The following UTRN variants were observed in gnomAD, a reference collection of about 807,000 sequenced individuals.
The protein encoded by UTRN is utrophin, also known as dystrophin-related protein 1.
UTRN carries 283 observed loss-of-function variants against 463.9 expected under a neutral mutation model. That is an observed-to-expected ratio of 0.61 (90% CI 0.55 to 0.67). UTRN has a LOEUF of 0.67. UTRN is among the 30% of genes least tolerant of loss of function. The pLI is 0.00. For missense variants in UTRN, 3,922 were observed against 4,084.3 expected (o/e 0.96, Z 1.08); for synonymous variants, 1,442 against 1,431.5 (o/e 1.01, Z -0.17).
intron 2 of UTRN, among the ~76,000 whole-genome samples, chr6:144,351,057 C>A (rs532991394): frequency 2.0e-5 from 3 of 151,994 alleles, no homozygotes; most frequent in South Asian, 2.1e-4. Context: ...TGAAAAAAAC[C>A]ATTTTTTATA....
chr6:144,445,192 A>T (rs1310911787), intron 14 of UTRN, among the ~76,000 whole-genome samples: 2 of 152,016 alleles, frequency 1.3e-5, no homozygotes, highest in African/African-American at 4.8e-5. Flanking sequence ...CTCCACTAAA[A>T]ATATAAAAAT....
chr6:144,741,923 G>A lies in UTRN; in HGVS notation c.7940-6323G>A, dbSNP rs73593819. ...TGCCTCTATTGACTTCAGGTCAGTG[G>A]TGCCATGTAGCTCCCTCCAAAGCGT... On this transcript the variant is annotated intron_variant, in intron 54 of 74. Transcript: ENST00000367545. 7.6e-3 allele frequency among the ~76,000 whole-genome samples: 1,157 copies of A among 152,186 alleles called. 9 individuals are homozygous for A. Among genetic ancestry groups the A allele is most frequent in the African/African-American group, 0.025 (1,025 of 41,520 alleles).
At chr6:144,418,048 C>G (rs1297634392) in intron 3 of UTRN, among the ~76,000 whole-genome samples, 1 of 152,040 alleles carries the variant, frequency 6.6e-6, no homozygotes, top group Non-Finnish European at 1.5e-5. Flanking sequence ...ATAGTCACAT[C>G]AACCATTTAA....
At chr6:144,512,690 G>A (rs1371658371) in intron 35 of UTRN, among the ~76,000 whole-genome samples, 4 of 151,652 alleles carry the variant, frequency 2.6e-5, no homozygotes, top group African/African-American at 4.8e-5. Flanking sequence ...ACAGGCATGC[G>A]CCACCACACC....
At chr6:144,835,649 T>C in intron 69 of UTRN, 131 bp from the exon 70 acceptor site, 1 of 1,171,798 alleles carries the variant, frequency 8.5e-7, no homozygotes, top group Non-Finnish European at 1.2e-6. Context: ...AGGGAGGTCA[T>C]GGAGACACTG....
At chr6:144,759,524 C>T (rs1185071936) in intron 58 of UTRN, among the ~76,000 whole-genome samples, 1 of 151,972 alleles carries the variant, frequency 6.6e-6, no homozygotes, top group East Asian at 1.9e-4. Flanking sequence ...ATCCCTGGAA[C>T]CTGTGAAAAT....
rs754273438 is a variant in UTRN at position 144,539,271 on chromosome 6, C to T, written c.6370-23C>T. 2.5e-6 allele frequency: 4 copies of T among 1,585,206 alleles called. No individual in the cohort carries two copies. The East Asian group carries it at 9.1e-5, about 36-fold the overall frequency. The stretch of plus-strand genomic sequence containing the variant: ...CCCTTATCTGACTACCTTCTAACCA[C>T]ACCTATCTTTTAACTTCTCCAGGAC... On this transcript the variant is annotated intron_variant, in intron 44 of 74. Transcript: ENST00000367545.
intron 51 of UTRN, among the ~76,000 whole-genome samples, chr6:144,656,986 T>A (rs1011817446): frequency 2.0e-5 from 3 of 152,138 alleles, no homozygotes; most frequent in African/African-American, 7.2e-5. Flanking sequence ...TGTAGTGGCT[T>A]ACGCCTGTAA....
At chr6:144,700,352 C>CT (rs1784455834) in intron 53 of UTRN, 109 bp downstream of exon 53, 4 of 1,236,666 alleles carry the variant, frequency 3.2e-6, no homozygotes, top group African/African-American at 2.0e-5. Flanking sequence ...CACAGGATTC[C>CT]CCCCCCCACC....
At chr6:144,473,597 A>G (rs1790885810) in intron 23 of UTRN, 123 bp from the exon 24 acceptor site, 1 of 585,578 alleles carries the variant, frequency 1.7e-6, no homozygotes, top group Non-Finnish European at 2.9e-6. Flanking sequence ...AAGAAATAAC[A>G]TAAATGAAAG....
At chr6:144,732,249 T>TAAAAA (rs1412261127) in intron 54 of UTRN, among the ~76,000 whole-genome samples, 2 of 116,858 alleles carry the variant, frequency 1.7e-5, no homozygotes, top group African/African-American at 8.1e-5. Flanking sequence ...CATATATATA[T>TAAAAA]ATATATATAC....
intron 26 of UTRN, among the ~76,000 whole-genome samples, chr6:144,480,288 A>G (rs539207660): frequency 4.6e-5 from 7 of 152,284 alleles, no homozygotes; most frequent in African/African-American, 1.7e-4. Flanking sequence ...GGGCATGAGG[A>G]AGAATGATCA....
chr6:144,493,474 A>T lies in UTRN; in HGVS notation c.4593+18A>T, dbSNP rs772006972. Reference sequence around the variant, plus strand: ...GCGCACAGGTGAGGAGAGCAGCCCCACAGCTCATCTCTCTGTCTCTCTCTC... The same window carrying T: ...GCGCACAGGTGAGGAGAGCAGCCCCTCAGCTCATCTCTCTGTCTCTCTCTC... On this transcript the variant is annotated intron_variant, in intron 33 of 74. Transcript: ENST00000367545. 4.5e-5 allele frequency: 72 copies of T among 1,607,374 alleles called. 1 individual carries two copies. The South Asian group carries it at 5.7e-4, about 13-fold the overall frequency.
chr6:144,344,802 G>GGACA (rs1584366115), intron 2 of UTRN, among the ~76,000 whole-genome samples: 2 of 152,180 alleles, frequency 1.3e-5, no homozygotes, highest in Non-Finnish European at 2.9e-5. Context: ...GTACTTTGGG[G>GGACA]GACAGTATGA....
In UTRN at chr6:144,828,820, T is replaced by A; in HGVS notation, c.9630T>A (p.Ser3210=). 6.2e-7 allele frequency: 1 copy of A among 1,613,496 alleles called. No individual in the cohort carries two copies. The highest frequency in any genetic ancestry group is 1.7e-4 in the Middle Eastern group (1 of 6,056). ...CCCAGATGGAAAGGACTAATGGGTC[T>A]TTTCTCACTGATAGCAGCTCCACCA... ...RLAQMERTNG[S]FLTDSSSTTG... Residue 3210 remains serine (S), a synonymous_variant, in exon 69 of 75, where the codon TCT becomes TCA. Coordinates refer to ENST00000367545, the MANE Select transcript of UTRN (RefSeq NM_007124.3).
rs1258292949 is a variant in UTRN, at chr6:144,567,760, T to TA, written c.7290-9337dup. On this transcript the variant is annotated intron_variant, in intron 50 of 74. Transcript: ENST00000367545. ...AGATAAATGTATTTAAATATTATAT[T>TA]AATGTAAAGGTCACCTTTTGAGCAC... Among the ~76,000 whole-genome samples, 7 of 152,324 alleles carry TA rather than the reference T, an allele frequency of 4.6e-5. No individual in the cohort carries two copies. In the East Asian group the frequency reaches 1.3e-3, roughly 29 times the overall value.
Position 144,807,180 on chromosome 6 carries a change from T to C in UTRN, c.9357+4033T>C, listed in dbSNP as rs187674089. Among the ~76,000 whole-genome samples the C allele has an allele frequency of 2.3e-4, 35 of 152,250 alleles. No individual in the cohort carries two copies. The East Asian group carries it at 6.0e-3, about 26-fold the overall frequency. On this transcript the variant is annotated intron_variant, in intron 65 of 74. Transcript: ENST00000367545. ...ACCTTACTGACTTCATCTCTTTCCT[T>C]TTCAAAGTCCTTTACAGCTGACTCT...
At chr6:144,549,313 A>G (rs997181987) in intron 47 of UTRN, among the ~76,000 whole-genome samples, 2 of 152,150 alleles carry the variant, frequency 1.3e-5, no homozygotes, top group Admixed American at 1.3e-4. Flanking sequence ...TTCCCTATTT[A>G]GTGTGTGCTA....
intron 53 of UTRN, among the ~76,000 whole-genome samples, chr6:144,710,922 GCA>G (rs920481007): frequency 1.1e-4 from 17 of 152,274 alleles, no homozygotes; most frequent in African/African-American, 4.1e-4. Flanking sequence ...TTGGTAAACA[GCA>G]CACTCATTAT....
Sources: gnomAD v4.1 joint callset for allele counts (sites outside exome capture counted in the v4.1 genomes callset) on GRCh38, gnomAD v4.1.1 for gene constraint, MANE v1.5 for transcripts, NCBI Gene and HGNC (gene_info 2026-07-23, HGNC 2026-07-21) for gene names.